Variants in MAD1L1 observed in about 807,000 individuals in gnomAD.
MAD1L1 encodes the protein mitotic arrest deficient 1 like 1.
Under a neutral mutation model 96.9 loss-of-function variants are expected in MAD1L1, and 95 were observed. The ratio of observed to expected loss-of-function variants is 0.98; its 90% confidence interval spans 0.83 to 1.16. The LOEUF (loss-of-function observed/expected upper bound fraction) is 1.16. Ranked by LOEUF, MAD1L1 falls within the 50% of genes most tolerant of loss-of-function variation. The probability of loss-of-function intolerance (pLI) is 0.00; values close to 1 mark genes in which losing one functional copy is unlikely to be tolerated. For missense variants in MAD1L1, 1,007 were observed against 954.4 expected, an observed-to-expected ratio of 1.06 and a Z score of -0.73; for synonymous variants, 473 against 396.6, an observed-to-expected ratio of 1.19 and a Z score of -2.29.
At chr7:1,961,740 C>T (rs1317620296) in intron 15 of MAD1L1, among the ~76,000 whole-genome samples, 2 of 152,112 alleles carry the variant, frequency 1.3e-5, no homozygotes, top group Non-Finnish European at 2.9e-5. Context: ...CCATGTGTTG[C>T]GGGAGGGATA....
chr7:2,182,853 A>G lies in MAD1L1; in HGVS notation c.986+30359T>C, dbSNP rs75206525. On this transcript the variant is annotated intron_variant, in intron 10 of 18. Transcript: ENST00000265854. ...TGGGCTTCCTTTGGGGACCATGACA[A>G]TCTTCTGGAATTAGACAGTAGGTAT... 9.1e-3 allele frequency among the ~76,000 whole-genome samples: 1,393 copies of G among 152,316 alleles called. 18 individuals are homozygous for G. The highest frequency in any genetic ancestry group is 0.032 in the African/African-American group (1,329 of 41,562).
chr7:2,081,730 A>G (rs894567233), intron 11 of MAD1L1, among the ~76,000 whole-genome samples: 4 of 152,140 alleles, frequency 2.6e-5, no homozygotes, highest in African/African-American at 4.8e-5. Context: ...GGCCCGGCGG[A>G]GGGGGCAGGA....
intron 2 of MAD1L1, 44 bp downstream of exon 2, chr7:2,230,505 G>T (rs1163846705): frequency 4.8e-6 from 1 of 207,430 alleles, no homozygotes; most frequent in Non-Finnish European, 1.0e-5. Flanking sequence ...ACAGGACACA[G>T]AGACAGACAC....
chr7:1,832,159 G>A (rs1023626856), intron 18 of MAD1L1, among the ~76,000 whole-genome samples: 1 of 152,178 alleles, frequency 6.6e-6, no homozygotes, highest in Non-Finnish European at 1.5e-5. Flanking sequence ...TGATTTATGA[G>A]AGGAGGTCAA....
At chr7:1,830,972 C>T (rs1237428535) in intron 18 of MAD1L1, among the ~76,000 whole-genome samples, 1 of 152,174 alleles carries the variant, frequency 6.6e-6, no homozygotes, top group Non-Finnish European at 1.5e-5. Context: ...ATATTTAAGA[C>T]TCAGCTATAT....
At chr7:1,953,945 C>G (rs772658574) in intron 16 of MAD1L1, among the ~76,000 whole-genome samples, 4 of 152,164 alleles carry the variant, frequency 2.6e-5, no homozygotes, top group Non-Finnish European at 5.9e-5. Context: ...GCCAGAAGGT[C>G]AGTGTCCTGC....
chr7:2,222,473 A>G lies in MAD1L1; in HGVS notation c.471+102T>C, dbSNP rs1793659214. Reference sequence around the variant, plus strand: ...TACAAAACGCAGCTGCCCGTGTGGGAAGCACAAGTGAAAACACAAGCGGGC... The same window carrying G: ...TACAAAACGCAGCTGCCCGTGTGGGGAGCACAAGTGAAAACACAAGCGGGC... On this transcript the variant is annotated intron_variant, in intron 5 of 18. Coordinates refer to ENST00000265854, the MANE Select transcript of MAD1L1 (RefSeq NM_001013836.2). 3 of 1,016,342 alleles carry G rather than the reference A, an allele frequency of 3.0e-6. No homozygotes were observed. The East Asian group carries it at 8.2e-5, about 28-fold the overall frequency. 63.0% of individuals were successfully genotyped at this position (1,016,342 alleles called of 1,614,324 possible).
chr7:1,839,898 C>A (rs1282064013), intron 18 of MAD1L1, among the ~76,000 whole-genome samples: 1 of 152,336 alleles, frequency 6.6e-6, no homozygotes. Flanking sequence ...CGCCTCCCCC[C>A]ATAACCACCT....
chr7:2,092,190 T>G (rs1584299649), intron 11 of MAD1L1, among the ~76,000 whole-genome samples: 1 of 152,204 alleles, frequency 6.6e-6, no homozygotes, highest in Non-Finnish European at 1.5e-5. Flanking sequence ...ATTCCCACAG[T>G]GTGTGGCCAT....
intron 18 of MAD1L1, among the ~76,000 whole-genome samples, chr7:1,833,804 G>A (rs1782818308): frequency 6.6e-6 from 1 of 152,188 alleles, no homozygotes; most frequent in Admixed American, 6.5e-5. Context: ...AGCCAGGCGT[G>A]GTGGCACGTG....
At chr7:2,144,449 A>G (rs1322930883) in intron 11 of MAD1L1, among the ~76,000 whole-genome samples, 1 of 151,980 alleles carries the variant, frequency 6.6e-6, no homozygotes, top group Non-Finnish European at 1.5e-5. Flanking sequence ...CAGCAGAGAA[A>G]CCGCCAAGAG....
chr7:2,099,887 C>A (rs1003825130), intron 11 of MAD1L1, among the ~76,000 whole-genome samples: 1 of 152,248 alleles, frequency 6.6e-6, no homozygotes, highest in Non-Finnish European at 1.5e-5. Flanking sequence ...ATGCCCCAGG[C>A]ATGACTCAGA....
intron 9 of MAD1L1, 138 bp from the exon 10 acceptor site, chr7:2,213,411 G>T (rs771727759): frequency 1.9e-4 from 145 of 761,206 alleles, no homozygotes; most frequent in Non-Finnish European, 2.9e-4. Flanking sequence ...GGCGCTACAT[G>T]CTCCAAGTCT....
In MAD1L1 at chr7:1,936,671, G is replaced by A. The variant is rs193049632; in HGVS notation, c.1807+16C>T. ...AAGGTCGAGGATGGCAGGGACCGGG[G>A]GTGGGGGGTGCCTACCTGCCACCTC... On this transcript the variant is annotated intron_variant, in intron 17 of 18. Coordinates refer to ENST00000265854, the MANE Select transcript of MAD1L1 (RefSeq NM_001013836.2). 3 of 1,545,478 alleles carry A rather than the reference G, an allele frequency of 1.9e-6. No individual in the cohort carries two copies. The highest frequency in any genetic ancestry group is 3.9e-5 in the Admixed American group (2 of 51,038).
In MAD1L1 at chr7:2,181,812, C is replaced by CTATA. The variant is rs35246222; in HGVS notation, c.986+31396_986+31399dup. On this transcript the variant is annotated intron_variant, in intron 10 of 18. Transcript: ENST00000265854. ...CGAGTGGATAAAGAAAATGTGGTCTCTATATATATATATATATCATAGAAT... is the reference window on the plus strand; with the variant it reads ...CGAGTGGATAAAGAAAATGTGGTCTCTATATATATATATATATATATCATAGAAT... 2.9e-3 allele frequency among the ~76,000 whole-genome samples: 431 copies of CTATA among 149,392 alleles called. 1 individual carries two copies. Among genetic ancestry groups the CTATA allele is most frequent in the Middle Eastern group, 0.017 (5 of 288 alleles).
At chr7:2,183,492 G>A (rs1039579308) in intron 10 of MAD1L1, among the ~76,000 whole-genome samples, 1 of 152,058 alleles carries the variant, frequency 6.6e-6, no homozygotes, top group African/African-American at 2.4e-5. Flanking sequence ...GCAAAGACTT[G>A]GAACCAACCC....
chr7:1,924,716 G>A (rs1788997556), intron 17 of MAD1L1, among the ~76,000 whole-genome samples: 1 of 152,128 alleles, frequency 6.6e-6, no homozygotes, highest in Admixed American at 6.5e-5. Flanking sequence ...TGCCTCTTAT[G>A]TTTTATAAAA....
At position 2,114,844 on chromosome 7, in the gene MAD1L1, T is replaced by C. The variant is rs569555461; in HGVS notation, c.1073+34308A>G. 2.6e-5 allele frequency among the ~76,000 whole-genome samples: 4 copies of C among 151,980 alleles called. No individual in the cohort carries two copies. The highest frequency in any genetic ancestry group is 5.9e-5 in the Non-Finnish European group (4 of 67,994). On this transcript the variant is annotated intron_variant, in intron 11 of 18. Transcript: ENST00000265854. This position sits in a 1 kb window ranked among gnomAD's most constrained non-coding sequence, Gnocchi z 4.2. ...TCACACAAGACACTTGTCAGACCCA[T>C]CTTTTGAGGCCCACAGGTAGTTCTG...
At chr7:2,209,015 C>T (rs1792746057) in intron 10 of MAD1L1, among the ~76,000 whole-genome samples, 1 of 152,234 alleles carries the variant, frequency 6.6e-6, no homozygotes, top group South Asian at 2.1e-4. Context: ...TCCTGCCCTT[C>T]CCCACGTGTG....
Sources: allele counts gnomAD v4.1 joint callset (sites outside exome capture counted in the v4.1 genomes callset), GRCh38; gene constraint gnomAD v4.1.1; non-coding constraint Gnocchi (gnomAD v3.1); transcripts MANE v1.5; gene names NCBI Gene and HGNC (gene_info 2026-07-23, HGNC 2026-07-21).